C8orf34: variants seen among roughly 807,000 people sequenced by gnomAD.
C8orf34 encodes chromosome 8 open reading frame 34.
A neutral mutation model predicts 68.3 loss-of-function variants in C8orf34; 65 were observed. The ratio of observed to expected loss-of-function variants is 0.95; its 90% CI spans 0.78 to 1.17. C8orf34 has a LOEUF of 1.17. C8orf34 is among the 50% of genes most tolerant of loss of function. C8orf34 has a pLI of 0.00. For missense variants in C8orf34, 664 were observed against 655.4 expected, an observed-to-expected ratio of 1.01 and a Z score of -0.14; for synonymous variants, 244 against 241.2, an observed-to-expected ratio of 1.01 and a Z score of -0.11.
intron 3 of C8orf34, among the ~76,000 whole-genome samples, chr8:68,467,289 C>T (rs570178237): frequency 6.6e-6 from 1 of 152,098 alleles, no homozygotes; most frequent in African/African-American, 2.4e-5. Context: ...CATAAGATGT[C>T]CAACTATTCT....
At chr8:68,631,768 C>T (rs1449789005) in intron 7 of C8orf34, among the ~76,000 whole-genome samples, 2 of 152,000 alleles carry the variant, frequency 1.3e-5, no homozygotes, top group Admixed American at 6.6e-5. Flanking sequence ...TAGAGGTGTT[C>T]GGAAGTTCCC....
chr8:68,458,271 C>T (rs1374725999), intron 3 of C8orf34, among the ~76,000 whole-genome samples: 1 of 152,078 alleles, frequency 6.6e-6, no homozygotes, highest in Non-Finnish European at 1.5e-5. Flanking sequence ...TGGCTGAAAA[C>T]AGCAACAATT....
intron 3 of C8orf34, among the ~76,000 whole-genome samples, chr8:68,449,814 G>A (rs1336666711): frequency 2.0e-5 from 3 of 152,066 alleles, no homozygotes; most frequent in Non-Finnish European, 4.4e-5. Context: ...GCTACTGAAG[G>A]TTGAGGTATC....
chr8:68,697,079 G>C (rs10957445), intron 8 of C8orf34, among the ~76,000 whole-genome samples: 45,516 of 151,626 alleles, frequency 0.3, 7,858 homozygotes, highest in East Asian at 0.54. Flanking sequence ...CTCTTTTAGT[G>C]ACTATATGGT....
rs1163711471 is a variant in C8orf34, at chr8:68,744,577, C to T, written c.1404+23140C>T. Among the ~76,000 whole-genome samples the T allele has an allele frequency of 1.8e-3, 267 of 151,812 alleles. 1 individual carries two copies. Among genetic ancestry groups the T allele is most frequent in the African/African-American group, 5.9e-3 (246 of 41,354 alleles). On this transcript the variant is annotated intron_variant, in intron 10 of 13. Coordinates refer to ENST00000518698, the MANE Select transcript of C8orf34 (RefSeq NM_052958.4). ...GCTGAAAACCAAGGCTCGAGAACTACGTGAAGAATGCAGAAGCCTCAGGAG... is the reference window on the plus strand; with the variant it reads ...GCTGAAAACCAAGGCTCGAGAACTATGTGAAGAATGCAGAAGCCTCAGGAG...
chr8:68,644,411 C>A (rs1819104807), intron 8 of C8orf34, among the ~76,000 whole-genome samples: 1 of 152,120 alleles, frequency 6.6e-6, no homozygotes, highest in Admixed American at 6.5e-5. Flanking sequence ...AATGAAACTT[C>A]CAGGGAGGTG....
intron 7 of C8orf34, among the ~76,000 whole-genome samples, chr8:68,572,177 G>GTATA (rs962974466): frequency 6.6e-6 from 1 of 151,726 alleles, no homozygotes; most frequent in Non-Finnish European, 1.5e-5. Context: ...TGGGACCACT[G>GTATA]TATATATGGT....
intron 12 of C8orf34, among the ~76,000 whole-genome samples, chr8:68,812,539 T>G (rs757258065): frequency 6.6e-6 from 1 of 152,156 alleles, no homozygotes; most frequent in East Asian, 1.9e-4. Flanking sequence ...TTTAAAATTT[T>G]TTTTAAGGTT....
chr8:68,378,260 G>A (rs1807889206), intron 1 of C8orf34, among the ~76,000 whole-genome samples: 1 of 152,124 alleles, frequency 6.6e-6, no homozygotes, highest in African/African-American at 2.4e-5. Context: ...CCCATGCCTT[G>A]ATTTGTTGGC....
chr8:68,653,665 A>C (rs1350984838), intron 8 of C8orf34, among the ~76,000 whole-genome samples: 2 of 152,154 alleles, frequency 1.3e-5, no homozygotes, highest in Non-Finnish European at 1.5e-5. Context: ...ACAGCTGGAT[A>C]GCTCTCTAAA....
chr8:68,776,239 G>A (rs1823513658), intron 10 of C8orf34, among the ~76,000 whole-genome samples, 160 bp from the exon 11 acceptor site: 1 of 151,932 alleles, frequency 6.6e-6, no homozygotes. Flanking sequence ...TTTTCAAAGA[G>A]TAAGAAGTTG....
chr8:68,703,971 T>C (rs1033571120), intron 8 of C8orf34, among the ~76,000 whole-genome samples: 5 of 152,168 alleles, frequency 3.3e-5, no homozygotes, highest in African/African-American at 7.2e-5. Context: ...TAGTATTCTA[T>C]ACAAAATCCC....
intron 8 of C8orf34, among the ~76,000 whole-genome samples, chr8:68,698,348 G>C (rs1399003049): frequency 6.6e-6 from 1 of 152,018 alleles, no homozygotes; most frequent in Non-Finnish European, 1.5e-5. Context: ...AAAGGAAAAA[G>C]CAAAGAAGGG....
At chr8:68,578,534 TAAG>T (rs1301908521) in intron 7 of C8orf34, among the ~76,000 whole-genome samples, 2 of 152,042 alleles carry the variant, frequency 1.3e-5, no homozygotes, top group African/African-American at 4.8e-5. Context: ...ATGGGTTTCT[TAAG>T]AAGATTCATT....
intron 2 of C8orf34, among the ~76,000 whole-genome samples, chr8:68,443,107 C>T (rs1810978815): frequency 6.6e-6 from 1 of 152,102 alleles, no homozygotes; most frequent in Non-Finnish European, 1.5e-5. Flanking sequence ...GGGGCAAGAG[C>T]ATCCACCATC....
At chr8:68,620,784 C>CT (rs796946701) in intron 7 of C8orf34, among the ~76,000 whole-genome samples, 5,060 of 145,346 alleles carry the variant, frequency 0.035, 281 homozygotes, top group African/African-American at 0.12. Context: ...TTAGTTTTAG[C>CT]TTTTTTTTTT....
chr8:68,701,019 C>A (rs941195589), intron 8 of C8orf34, among the ~76,000 whole-genome samples: 6 of 152,104 alleles, frequency 3.9e-5, no homozygotes, highest in Non-Finnish European at 7.4e-5. Flanking sequence ...TCTCTTAAAA[C>A]CAAAACTGTT....
intron 10 of C8orf34, among the ~76,000 whole-genome samples, chr8:68,726,975 A>G (rs1352208302): frequency 6.6e-6 from 1 of 152,132 alleles, no homozygotes; most frequent in African/African-American, 2.4e-5. Context: ...ATGTCCTCAC[A>G]TTTCAAAACC....
chr8:68,341,472 G>A (rs1806066740), intron 1 of C8orf34, among the ~76,000 whole-genome samples: 1 of 152,158 alleles, frequency 6.6e-6, no homozygotes, highest in Admixed American at 6.5e-5. Flanking sequence ...CATAAAAGCA[G>A]AGAATATTAA....
Sources: allele counts gnomAD v4.1 joint callset (sites outside exome capture counted in the v4.1 genomes callset), GRCh38; gene constraint gnomAD v4.1.1; transcripts MANE v1.5; gene names NCBI Gene and HGNC (gene_info 2026-07-23, HGNC 2026-07-21).